EMSY: variants seen among roughly 807,000 people sequenced by gnomAD.
The protein encoded by EMSY is BRCA2-interacting transcriptional repressor EMSY.
Under a neutral mutation model 134.6 loss-of-function variants are expected in EMSY, and 26 were observed. The observed-to-expected ratio is 0.19, with a 90% CI of 0.14 to 0.27. EMSY has a LOEUF of 0.27. Among genes scored for constraint, EMSY ranks in the 10% least tolerant of loss-of-function variants. The pLI is 1.00. For missense variants in EMSY, 1,305 were observed against 1,611.4 expected (o/e 0.81, Z 3.26); for synonymous variants, 579 against 577.8 (o/e 1.00, Z -0.03).
chr11:76,541,052 C>T (rs1218671653), intron 17 of EMSY, among the ~76,000 whole-genome samples: 1 of 152,154 alleles, frequency 6.6e-6, no homozygotes, highest in Non-Finnish European at 1.5e-5. Context: ...TGGCAAAACC[C>T]TGACTCTACT....
chr11:76,446,760 G>A, intron 1 of EMSY, 140 bp from the exon 2 acceptor site: 1 of 553,280 alleles, frequency 1.8e-6, no homozygotes, highest in Non-Finnish European at 3.2e-6. Flanking sequence ...AAGTTGGAAA[G>A]TGTGGTGGTG....
At chr11:76,543,694 G>A (rs1016394156) in intron 18 of EMSY, among the ~76,000 whole-genome samples, 3 of 152,190 alleles carry the variant, frequency 2.0e-5, no homozygotes, top group Admixed American at 6.5e-5. Flanking sequence ...AAAGGGGCGA[G>A]GAATGCTAGT....
intron 7 of EMSY, among the ~76,000 whole-genome samples, chr11:76,471,760 A>G (rs993833908): frequency 5.3e-5 from 8 of 152,136 alleles, no homozygotes; most frequent in Non-Finnish European, 1.2e-4. Flanking sequence ...ATGCTCTTAC[A>G]TGGTTTAGTC....
intron 8 of EMSY, among the ~76,000 whole-genome samples, chr11:76,475,795 G>A (rs1055906332): frequency 6.6e-6 from 1 of 152,184 alleles, no homozygotes; most frequent in Non-Finnish European, 1.5e-5. Context: ...TCAGGCAAGA[G>A]GGCATTCAGT....
intron 9 of EMSY, among the ~76,000 whole-genome samples, chr11:76,499,223 A>G (rs1949762556): frequency 6.6e-6 from 1 of 150,590 alleles, no homozygotes; most frequent in South Asian, 2.1e-4. Context: ...AGCCTTCCAA[A>G]GTGCTAGGAT....
intron 11 of EMSY, among the ~76,000 whole-genome samples, chr11:76,520,361 A>G (rs1250029691): frequency 6.6e-6 from 1 of 152,164 alleles, no homozygotes; most frequent in African/African-American, 2.4e-5. Flanking sequence ...TTCATTTGTT[A>G]AGCAAGTTTT....
chr11:76,512,174 A>G (rs184964355), intron 9 of EMSY, among the ~76,000 whole-genome samples: 45 of 152,334 alleles, frequency 3.0e-4, no homozygotes, highest in Middle Eastern at 3.4e-3. Context: ...GTGGGGAAAG[A>G]GTGTTACCAA....
At chr11:76,471,208 A>AT (rs1445287156) in intron 7 of EMSY, among the ~76,000 whole-genome samples, 3 of 152,120 alleles carry the variant, frequency 2.0e-5, no homozygotes, top group Admixed American at 6.5e-5. Context: ...TAGAGTAATG[A>AT]TTTTTTAAAA....
intron 6 of EMSY, among the ~76,000 whole-genome samples, chr11:76,461,842 G>A (rs1326305010): frequency 6.6e-6 from 1 of 152,154 alleles, no homozygotes; most frequent in Non-Finnish European, 1.5e-5. Context: ...TGAGACAGGA[G>A]AATCACTTGA....
chr11:76,528,138 C>T (rs1483418737), intron 13 of EMSY, 130 bp from the exon 15 acceptor site: 1 of 753,180 alleles, frequency 1.3e-6, no homozygotes, highest in East Asian at 2.7e-5. Flanking sequence ...ATGAGCAATG[C>T]TGTGCCTAAA....
At chr11:76,458,523 C>T (rs2135025804) in intron 5 of EMSY, 165 bp downstream of exon 6, 1 of 698,050 alleles carries the variant, frequency 1.4e-6, no homozygotes, top group Non-Finnish European at 2.1e-6. Context: ...AGGTTTTTAG[C>T]CTTAGACAAA....
chr11:76,483,988 C>T (rs1421020837), intron 8 of EMSY, among the ~76,000 whole-genome samples: 1 of 152,158 alleles, frequency 6.6e-6, no homozygotes, highest in Non-Finnish European at 1.5e-5. Flanking sequence ...AAACTGACCA[C>T]ATAATTGGAA....
intron 20 of EMSY, 113 bp from the exon 22 acceptor site, chr11:76,549,839 C>T: frequency 1.1e-6 from 1 of 913,748 alleles, no homozygotes; most frequent in Non-Finnish European, 1.6e-6. Flanking sequence ...TAGTAGTTGT[C>T]CAGTTGTCCA....
rs546713910 is a variant in EMSY at position 76,519,969 on chromosome 11, T to C, written c.1685-3186T>C. Among the ~76,000 whole-genome samples the C allele has an allele frequency of 2.6e-5, 4 of 152,308 alleles. No individual in the cohort carries two copies. The South Asian group carries it at 8.3e-4, about 32-fold the overall frequency. On this transcript the variant is annotated intron_variant, in intron 11 of 20. Transcript: ENST00000334736. ...GAATATATACATGAGTTTTATTATC[T>C]GCCCTAAGGAATGCTAAACAAGTGA...
chr11:76,464,526 T>C (rs948118181), intron 7 of EMSY, among the ~76,000 whole-genome samples: 1 of 152,244 alleles, frequency 6.6e-6, no homozygotes, highest in Non-Finnish European at 1.5e-5. Context: ...AAATTCTTTG[T>C]ATGCTGTTAT....
intron 9 of EMSY, chr11:76,496,696 C>A: frequency 1.7e-6 from 1 of 589,924 alleles, no homozygotes; most frequent in Non-Finnish European, 3.0e-6. Flanking sequence ...ATTTTAATTT[C>A]AATGTCTACA....
intron 14 of EMSY, among the ~76,000 whole-genome samples, chr11:76,532,072 A>C (rs1290874870): frequency 6.6e-6 from 1 of 152,134 alleles, no homozygotes; most frequent in Non-Finnish European, 1.5e-5. Context: ...TGCTTTGTAC[A>C]TCAGCTCTTT....
chr11:76,453,179 G>T, intron 3 of EMSY, 135 bp from the exon 4 acceptor site: 1 of 611,076 alleles, frequency 1.6e-6, no homozygotes, highest in Non-Finnish European at 2.8e-6. Flanking sequence ...ATATATATTA[G>T]ACTCCTGTCT....
intron 15 of EMSY, among the ~76,000 whole-genome samples, chr11:76,536,742 G>A (rs1233146416): frequency 6.6e-6 from 1 of 152,148 alleles, no homozygotes; most frequent in Non-Finnish European, 1.5e-5. Context: ...TAGCAATTAT[G>A]TCATCCAAAC....
Sources: allele counts gnomAD v4.1 joint callset (sites outside exome capture counted in the v4.1 genomes callset), GRCh38; gene constraint gnomAD v4.1.1; transcripts MANE v1.5; gene names NCBI Gene and HGNC (gene_info 2026-07-23, HGNC 2026-07-21).